Variants in PAM observed in about 807,000 individuals in gnomAD.
The protein encoded by PAM is peptidylglycine alpha-amidating monooxygenase, also known as peptidyl-glycine alpha-amidating monooxygenase.
In PAM, 72 loss-of-function variants were observed where a neutral mutation model predicts 122.1. The ratio of observed to expected loss-of-function variants is 0.59; its 90% confidence interval spans 0.49 to 0.72. PAM has a LOEUF of 0.72. Ranked by LOEUF, PAM falls within the 30% of genes least tolerant of loss-of-function variation. The pLI is 0.00. For missense variants in PAM, 1,106 were observed against 1,183.7 expected (o/e 0.93, Z 0.96); for synonymous variants, 389 against 404.4 (o/e 0.96, Z 0.46).
chr5:102,790,542 C>A (rs1364983397), intron 1 of PAM, among the ~76,000 whole-genome samples: 2 of 151,944 alleles, frequency 1.3e-5, no homozygotes, highest in African/African-American at 4.8e-5. Context: ...AGAAACCTAT[C>A]CTAATAGTGT....
At chr5:102,766,285 G>A (rs574218049) in intron 1 of PAM, among the ~76,000 whole-genome samples, 2 of 152,276 alleles carry the variant, frequency 1.3e-5, no homozygotes, top group African/African-American at 4.8e-5. Context: ...TCACCATAAT[G>A]TAGAATCAGT....
intron 1 of PAM, among the ~76,000 whole-genome samples, chr5:102,817,163 T>C (rs1200672343): frequency 1.3e-5 from 2 of 152,192 alleles, no homozygotes; most frequent in Admixed American, 1.3e-4. Context: ...CTCTTAAATA[T>C]TATTTGAAAC....
At chr5:102,939,272 T>A (rs969344666) in intron 7 of PAM, among the ~76,000 whole-genome samples, 2 of 152,140 alleles carry the variant, frequency 1.3e-5, no homozygotes, top group African/African-American at 4.8e-5. Flanking sequence ...CCATTTCTTT[T>A]CATTACATAT....
chr5:102,918,457 G>A (rs77402515), intron 5 of PAM, among the ~76,000 whole-genome samples: 2,197 of 152,146 alleles, frequency 0.014, 51 homozygotes, highest in African/African-American at 0.051. Context: ...GAAATGAAAT[G>A]AAGGTGCTTA....
Position 102,964,417 on chromosome 5 carries a change from G to T in PAM, c.1162+3188G>T, listed in dbSNP as rs1045673882. ...GAACAAAATCTGGTGTAAAGCAAGT[G>T]TACCTCAGATTCTGTCTCAAAAGAT... On this transcript the variant is annotated intron_variant, in intron 14 of 25. Transcript: ENST00000438793. 3.3e-5 allele frequency among the ~76,000 whole-genome samples: 5 copies of T among 151,952 alleles called. No homozygotes were observed. In the South Asian group the frequency reaches 1.0e-3, roughly 32 times the overall value.
intron 19 of PAM, among the ~76,000 whole-genome samples, 159 bp downstream of exon 19, chr5:103,007,170 C>A (rs1779227372): frequency 7.2e-6 from 1 of 139,680 alleles, no homozygotes; most frequent in Non-Finnish European, 1.5e-5. Context: ...GTCTCTCACA[C>A]ACACACACAC....
At position 103,012,855 on chromosome 5, in the gene PAM, CA is replaced by C. The variant is rs777801743; in HGVS notation, c.2331+3006del. On this transcript the variant is annotated intron_variant, in intron 21 of 25. Coordinates refer to ENST00000438793, the MANE Select transcript of PAM (RefSeq NM_001177306.2). Reference sequence around the variant, plus strand: ...TGGGGGACAGAGCAAGACTCTGCCTCAAAAAAAAAAAAAAAAATGAGTTCAC... The same window carrying C: ...TGGGGGACAGAGCAAGACTCTGCCTCAAAAAAAAAAAAAAAATGAGTTCAC... 8.5e-3 allele frequency among the ~76,000 whole-genome samples: 850 copies of C among 100,480 alleles called. 5 individuals are homozygous for C. Among genetic ancestry groups the C allele is most frequent in the African/African-American group, 0.021 (547 of 26,188 alleles). 65.9% of individuals were successfully genotyped at this position (100,480 alleles called of 152,430 possible). A position where few individuals can be genotyped will look rare whatever the true frequency, so the allele number is the denominator to read the frequency against.
intron 1 of PAM, among the ~76,000 whole-genome samples, chr5:102,783,230 C>CA (rs11329964): frequency 0.044 from 5,361 of 122,190 alleles, 123 homozygotes; most frequent in African/African-American, 0.076. Context: ...CCAGATTTAG[C>CA]AAAAAAAAAA....
At chr5:102,829,141 G>C (rs1404331125) in intron 1 of PAM, among the ~76,000 whole-genome samples, 1 of 151,946 alleles carries the variant, frequency 6.6e-6, no homozygotes, top group Non-Finnish European at 1.5e-5. Context: ...CTCAGTAAAT[G>C]ATTATTAACA....
chr5:102,757,954 A>G (rs1259908257), intron 1 of PAM, among the ~76,000 whole-genome samples: 2 of 147,276 alleles, frequency 1.4e-5, no homozygotes, highest in Admixed American at 1.4e-4. Context: ...AGGAGGGAGG[A>G]TCTCTTGAAA....
At chr5:102,866,446 A>T in intron 2 of PAM, 162 bp downstream of exon 2, 2 of 621,194 alleles carry the variant, frequency 3.2e-6, no homozygotes, top group Non-Finnish European at 5.9e-6. Context: ...GTGCAGAAAA[A>T]GCCCACTGCA....
chr5:102,940,032 A>G (rs1180933620), intron 7 of PAM, among the ~76,000 whole-genome samples: 2 of 151,876 alleles, frequency 1.3e-5, no homozygotes, highest in African/African-American at 4.8e-5. Context: ...TTTAAGTAAA[A>G]CAAAAGAGAG....
rs77468516 is a variant in PAM, at chr5:103,023,867, C to T, written c.2486-1264C>T. On this transcript the variant is annotated intron_variant, in intron 23 of 25. Coordinates refer to ENST00000438793, the MANE Select transcript of PAM (RefSeq NM_001177306.2). ...GACTGTCAAAGAGGCTGGCTCAGAACGTTGAAGCAAAGAGTTGGAACCTAC... is the reference window on the plus strand; with the variant it reads ...GACTGTCAAAGAGGCTGGCTCAGAATGTTGAAGCAAAGAGTTGGAACCTAC... Among the ~76,000 whole-genome samples the T allele has an allele frequency of 9.1e-3, 1,388 of 152,156 alleles. 11 individuals carry two copies. The highest frequency in any genetic ancestry group is 8.7e-3 in the Non-Finnish European group (591 of 67,974).
chr5:102,979,237 TAAAG>T, intron 15 of PAM, among the ~76,000 whole-genome samples: 1 of 152,264 alleles, frequency 6.6e-6, no homozygotes, highest in South Asian at 2.1e-4. Flanking sequence ...CATTTGCAAT[TAAAG>T]AAATTTTAAA....
chr5:102,776,997 T>G (rs1468641347), intron 1 of PAM, among the ~76,000 whole-genome samples: 2 of 152,098 alleles, frequency 1.3e-5, no homozygotes, highest in African/African-American at 4.8e-5. Flanking sequence ...TGCAGAAAAG[T>G]TTTTTATTCT....
At position 102,950,825 on chromosome 5, in the gene PAM, G is replaced by T; in HGVS notation, c.905+5G>T. On this transcript the variant is annotated splice_donor_5th_base_variant and intron_variant, in intron 12 of 25. Transcript: ENST00000438793. The stretch of plus-strand genomic sequence containing the variant: ...GACAGAAGCCACACACATTGGGTAT[G>T]ATTCTATACATTCCACTATTTAAAG... The T allele has an allele frequency of 1.3e-6, 2 of 1,500,778 alleles. No individual in the cohort carries two copies. Among genetic ancestry groups the T allele is most frequent in the South Asian group, 2.3e-5 (2 of 88,242 alleles). 93.0% of individuals were successfully genotyped at this position (1,500,778 alleles called of 1,614,324 possible).
chr5:102,845,834 TA>T (rs1442718572), intron 1 of PAM, among the ~76,000 whole-genome samples: 1 of 152,176 alleles, frequency 6.6e-6, no homozygotes, highest in African/African-American at 2.4e-5. Flanking sequence ...GATGGGAAAT[TA>T]ATAAATGAGG....
At chr5:102,856,305 A>G (rs1222438447) in intron 1 of PAM, among the ~76,000 whole-genome samples, 1 of 152,140 alleles carries the variant, frequency 6.6e-6, no homozygotes, top group East Asian at 1.9e-4. Context: ...GTGAAACTAA[A>G]TTTTATGTAA....
chr5:102,863,687 T>C (rs1784756056), intron 1 of PAM, among the ~76,000 whole-genome samples: 1 of 151,000 alleles, frequency 6.6e-6, no homozygotes, highest in African/African-American at 2.4e-5. Flanking sequence ...CTGAAATATA[T>C]TTAAAATTTT....
Sources: gnomAD v4.1 joint callset for allele counts (sites outside exome capture counted in the v4.1 genomes callset) on GRCh38, gnomAD v4.1.1 for gene constraint, MANE v1.5 for transcripts, NCBI Gene and HGNC (gene_info 2026-07-23, HGNC 2026-07-21) for gene names.